PCTP: variants seen among roughly 807,000 people sequenced by gnomAD.
PCTP encodes phosphatidylcholine transfer protein.
In PCTP, 27 loss-of-function variants were observed where a neutral mutation model predicts 31.0. That is an observed-to-expected ratio of 0.87 (90% confidence interval 0.64 to 1.20). PCTP has a LOEUF of 1.20. Ranked by LOEUF, PCTP falls within the 50% of genes most tolerant of loss-of-function variation. The pLI, the probability that PCTP is intolerant of heterozygous loss-of-function variation, is 0.00. For synonymous variants in PCTP, 108 were observed against 101.2 expected, an observed-to-expected ratio of 1.07 and a Z score of -0.40; for missense variants, 287 against 268.2, an observed-to-expected ratio of 1.07 and a Z score of -0.49.
rs376803825 is a variant in PCTP, at chr17:55,761,597, CATT to C, written c.142-5735_142-5733del. ...TATGTAATATATATTCTATATATAA[CATT>C]ATATTTATGTAGAATAATATTTCTA... On this transcript the variant is annotated intron_variant, in intron 1 of 5. Coordinates refer to ENST00000268896, the MANE Select transcript of PCTP (RefSeq NM_021213.4). Among the ~76,000 whole-genome samples, 32 of 146,656 alleles carry C rather than the reference CATT, an allele frequency of 2.2e-4. 2 individuals are homozygous for C. The highest frequency in any genetic ancestry group is 1.1e-3 in the Admixed American group (16 of 14,602).
At chr17:55,814,929 C>A (rs1414719959) in intron 3 of PCTP, among the ~76,000 whole-genome samples, 2 of 152,098 alleles carry the variant, frequency 1.3e-5, no homozygotes, top group Non-Finnish European at 2.9e-5. Flanking sequence ...TTTACTGAAC[C>A]CTCAGCTCAG....
intron 3 of PCTP, among the ~76,000 whole-genome samples, chr17:55,805,674 C>T (rs936172568): frequency 2.5e-5 from 3 of 119,038 alleles, no homozygotes; most frequent in Admixed American, 1.7e-4. Context: ...AACAAGAAGA[C>T]AAAACACACA....
At chr17:55,850,667 C>T in the PCTP span, among the ~76,000 whole-genome samples, 2 of 152,176 alleles carry the variant, frequency 1.3e-5, no homozygotes, top group Non-Finnish European at 2.9e-5. Context: ...CATATACTTT[C>T]TATGGCACGT....
At chr17:55,801,414 C>T (rs888511216) in intron 3 of PCTP, among the ~76,000 whole-genome samples, 1 of 152,118 alleles carries the variant, frequency 6.6e-6, no homozygotes, top group African/African-American at 2.4e-5. Flanking sequence ...AATATACATT[C>T]TTCTCAGCAC....
chr17:55,817,538 A>G (rs1211374989), intron 3 of PCTP, among the ~76,000 whole-genome samples: 1 of 152,228 alleles, frequency 6.6e-6, no homozygotes, highest in African/African-American at 2.4e-5. Context: ...TTCTTCCGGT[A>G]GAATGGGAGG....
intron 1 of PCTP, among the ~76,000 whole-genome samples, chr17:55,764,883 A>G (rs1362408828): frequency 6.6e-6 from 1 of 152,210 alleles, no homozygotes; most frequent in East Asian, 1.9e-4. Context: ...CTTTGTGTTG[A>G]AATTAATCTA....
chr17:55,819,138 G>A (rs1412945832), intron 3 of PCTP, among the ~76,000 whole-genome samples: 1 of 149,406 alleles, frequency 6.7e-6, no homozygotes, highest in African/African-American at 2.5e-5. Flanking sequence ...TAACAAACTA[G>A]AAATAGAAGG....
intron 5 of PCTP, 33 bp from the exon 6 acceptor site, chr17:55,776,002 G>T: frequency 1.2e-6 from 2 of 1,612,800 alleles, no homozygotes; most frequent in Non-Finnish European, 1.7e-6. Flanking sequence ...CCACTGTGAA[G>T]ACATAGAAAT....
chr17:55,805,044 A>T (rs1363914230), intron 3 of PCTP, among the ~76,000 whole-genome samples: 7 of 152,180 alleles, frequency 4.6e-5, no homozygotes, highest in African/African-American at 1.7e-4. Flanking sequence ...TTTGTAAAGC[A>T]AAAATTGATA....
At chr17:55,773,015 A>C (rs2144964910) in intron 3 of PCTP, among the ~76,000 whole-genome samples, 1 of 152,356 alleles carries the variant, frequency 6.6e-6, no homozygotes, top group African/African-American at 2.4e-5. Context: ...GTTGTTTCAT[A>C]GACTTTCATT....
chr17:55,778,934 A>G (rs576580152), downstream of PCTP, among the ~76,000 whole-genome samples: 7 of 152,176 alleles, frequency 4.6e-5, no homozygotes, highest in African/African-American at 1.7e-4. Flanking sequence ...AAATGTTCCT[A>G]TTTCACAGCA....
chr17:55,832,312 T>A (rs1036684300), intron 5 of PCTP, among the ~76,000 whole-genome samples: 1 of 152,198 alleles, frequency 6.6e-6, no homozygotes, highest in Admixed American at 6.5e-5. Context: ...ATCATGCTAT[T>A]ATTATTTTTA....
downstream of PCTP, among the ~76,000 whole-genome samples, chr17:55,780,905 G>C (rs927347966): frequency 6.6e-6 from 1 of 151,918 alleles, no homozygotes; most frequent in Non-Finnish European, 1.5e-5. Flanking sequence ...CAAATGCCCT[G>C]GAATCAAGGA....
In PCTP at chr17:55,776,439, G is replaced by A; in HGVS notation, c.*339G>A. The stretch of plus-strand genomic sequence containing the variant: ...AGGGGAAGTCTTCAGTAGGGAACAC[G>A]ATCATTCCATTGTGCAATTTTACGG... On this transcript the variant is annotated 3_prime_UTR_variant, in exon 6 of 6. Transcript: ENST00000268896. 10 of 1,234,018 alleles carry A rather than the reference G, an allele frequency of 8.1e-6. No homozygotes were observed. Among genetic ancestry groups the A allele is most frequent in the Non-Finnish European group, 1.0e-5 (10 of 989,470 alleles). 76.4% of individuals were successfully genotyped at this position (1,234,018 alleles called of 1,614,324 possible).
intron 2 of PCTP, among the ~76,000 whole-genome samples, chr17:55,782,796 C>T (rs1451709638): frequency 1.3e-5 from 2 of 152,204 alleles, no homozygotes; most frequent in Non-Finnish European, 2.9e-5. Context: ...TAAATGTCCC[C>T]TCCTCTGAGA....
chr17:55,772,578 CA>C (rs35394658), intron 3 of PCTP, among the ~76,000 whole-genome samples: 14,946 of 78,374 alleles, frequency 0.19, 758 homozygotes, highest in African/African-American at 0.25. Flanking sequence ...GACTCTGTCT[CA>C]AAAAAAAAAA....
downstream of PCTP, among the ~76,000 whole-genome samples, chr17:55,825,430 A>C (rs1905362672): frequency 6.6e-6 from 1 of 152,240 alleles, no homozygotes; most frequent in Admixed American, 6.5e-5. Flanking sequence ...GTTAGATGTT[A>C]CTGCCATCTA....
intron 1 of PCTP, among the ~76,000 whole-genome samples, chr17:55,752,065 G>C (rs1439238470): frequency 1.3e-5 from 2 of 152,194 alleles, no homozygotes; most frequent in Non-Finnish European, 2.9e-5. Context: ...TTAAACCCCA[G>C]GTTTCATAGG....
At chr17:55,808,526 T>C (rs948675392) in intron 3 of PCTP, among the ~76,000 whole-genome samples, 8 of 152,254 alleles carry the variant, frequency 5.3e-5, no homozygotes, top group African/African-American at 1.7e-4. Context: ...CTTTCCACAC[T>C]GGCCACTGGC....
Sources: allele counts gnomAD v4.1 joint callset (sites outside exome capture counted in the v4.1 genomes callset), GRCh38; gene constraint gnomAD v4.1.1; transcripts MANE v1.5; gene names NCBI Gene and HGNC (gene_info 2026-07-23, HGNC 2026-07-21).